The following MALRD1 variants were observed in gnomAD, a reference collection of about 807,000 sequenced individuals.
MALRD1 encodes the protein MAM and LDL-receptor class A domain-containing protein 1.
Under a neutral mutation model 242.1 loss-of-function variants are expected in MALRD1, and 247 were observed. The ratio of observed to expected loss-of-function variants is 1.02; its 90% confidence interval spans 0.92 to 1.13. MALRD1 has a LOEUF of 1.13. Among genes scored for constraint, MALRD1 ranks in the 50% most tolerant of loss-of-function variants. MALRD1 has a pLI of 0.00. For synonymous variants in MALRD1, 995 were observed against 866.6 expected (o/e 1.15, Z -2.60); for missense variants, 2,989 against 2,533.1 (o/e 1.18, Z -3.86).
chr10:19,375,008 A>C (rs1430930561), intron 26 of MALRD1, among the ~76,000 whole-genome samples: 1 of 152,206 alleles, frequency 6.6e-6, no homozygotes, highest in Non-Finnish European at 1.5e-5. Context: ...AAGAATGGTC[A>C]CAAAGTGAAA....
intron 24 of MALRD1, among the ~76,000 whole-genome samples, chr10:19,332,056 G>T (rs570204001): frequency 6.6e-6 from 1 of 152,194 alleles, no homozygotes; most frequent in African/African-American, 2.4e-5. Flanking sequence ...AGTAGAGGTG[G>T]GGTTTCACCA....
intron 36 of MALRD1, among the ~76,000 whole-genome samples, chr10:19,662,308 G>T (rs976176627): frequency 6.6e-6 from 1 of 152,106 alleles, no homozygotes; most frequent in African/African-American, 2.4e-5. Flanking sequence ...GGACCTTTAA[G>T]ATGAAAGTCT....
intron 26 of MALRD1, 77 bp from the exon 27 acceptor site, chr10:19,387,451 C>T: frequency 3.5e-6 from 5 of 1,444,990 alleles, no homozygotes; most frequent in Non-Finnish European, 3.7e-6. Flanking sequence ...AAAATGAATC[C>T]ACTCTTACTG....
At chr10:19,392,212 G>T (rs774236184) in intron 28 of MALRD1, among the ~76,000 whole-genome samples, 6 of 152,024 alleles carry the variant, frequency 3.9e-5, no homozygotes, top group Non-Finnish European at 7.4e-5. Flanking sequence ...GTTAAATAAT[G>T]GGAGCCTTAT....
intron 18 of MALRD1, among the ~76,000 whole-genome samples, chr10:19,230,872 C>CT (rs1334662708): frequency 1.3e-5 from 2 of 152,124 alleles, no homozygotes; most frequent in Non-Finnish European, 2.9e-5. Context: ...TTTATTTTAT[C>CT]TTTTTAATTT....
chr10:19,594,358 G>A (rs1252756994), intron 33 of MALRD1, among the ~76,000 whole-genome samples: 2 of 152,190 alleles, frequency 1.3e-5, no homozygotes, highest in African/African-American at 4.8e-5. Flanking sequence ...TGCGGATGTG[G>A]TGAAATGGAA....
At chr10:19,262,714 A>G (rs914278686) in intron 19 of MALRD1, among the ~76,000 whole-genome samples, 1 of 151,754 alleles carries the variant, frequency 6.6e-6, no homozygotes, top group African/African-American at 2.4e-5. Context: ...ACTGTACAAT[A>G]TCTTGCTGCT....
chr10:19,306,155 TACAC>T (rs1166491154), intron 21 of MALRD1, among the ~76,000 whole-genome samples: 1 of 117,396 alleles, frequency 8.5e-6, no homozygotes, highest in Non-Finnish European at 1.7e-5. Flanking sequence ...ATACTATATA[TACAC>T]ACATACTATA....
At chr10:19,206,327 T>C (rs1051371975) in intron 17 of MALRD1, among the ~76,000 whole-genome samples, 3 of 152,150 alleles carry the variant, frequency 2.0e-5, no homozygotes, top group Non-Finnish European at 2.9e-5. Context: ...AGAATTACCA[T>C]GCATCTCATG....
chr10:19,209,719 A>G (rs1396826983), intron 18 of MALRD1, 39 bp downstream of exon 18: 7 of 1,468,116 alleles, frequency 4.8e-6, no homozygotes, highest in Non-Finnish European at 6.4e-6. Context: ...TTTGAAATGC[A>G]TCTGAATGTC....
intron 36 of MALRD1, among the ~76,000 whole-genome samples, chr10:19,622,784 T>G (rs1487687798): frequency 6.6e-6 from 1 of 151,922 alleles, no homozygotes; most frequent in African/African-American, 2.4e-5. Flanking sequence ...TTAAACTGTA[T>G]TATACAGGCA....
At chr10:19,088,474 T>G (rs898998655) in intron 4 of MALRD1, among the ~76,000 whole-genome samples, 1 of 150,982 alleles carries the variant, frequency 6.6e-6, no homozygotes, top group African/African-American at 2.4e-5. Flanking sequence ...TTTCTCCTAA[T>G]TTCTTGAACC....
At chr10:19,363,177 C>T (rs1217164947) in intron 26 of MALRD1, among the ~76,000 whole-genome samples, 1 of 151,986 alleles carries the variant, frequency 6.6e-6, no homozygotes, top group Non-Finnish European at 1.5e-5. Context: ...GAATTAAAGT[C>T]ATATGCATAT....
chr10:19,386,298 C>T (rs542871585), intron 26 of MALRD1, among the ~76,000 whole-genome samples: 1 of 152,184 alleles, frequency 6.6e-6, no homozygotes, highest in African/African-American at 2.4e-5. Flanking sequence ...CCACATCAAC[C>T]CTCATCTACC....
intron 31 of MALRD1, among the ~76,000 whole-genome samples, chr10:19,525,499 A>G (rs933232873): frequency 1.3e-5 from 2 of 152,172 alleles, no homozygotes; most frequent in Admixed American, 6.5e-5. Context: ...AATTTATACT[A>G]TTGTATTTGA....
chr10:19,561,417 A>C (rs1250812449), intron 32 of MALRD1, among the ~76,000 whole-genome samples: 4 of 152,224 alleles, frequency 2.6e-5, no homozygotes, highest in Non-Finnish European at 4.4e-5. Context: ...TGAGAGAGGA[A>C]TCTTGGCATC....
chr10:19,146,376 T>C, intron 11 of MALRD1, 32 bp downstream of exon 11: 1 of 1,221,084 alleles, frequency 8.2e-7, no homozygotes, highest in Non-Finnish European at 1.0e-6. Context: ...AAAAAAATAG[T>C]TTTCTTTCTT....
chr10:19,501,703 C>T (rs559089135), intron 31 of MALRD1, among the ~76,000 whole-genome samples: 2 of 151,914 alleles, frequency 1.3e-5, no homozygotes, highest in Non-Finnish European at 2.9e-5. Flanking sequence ...GAATGGGTGA[C>T]AGGGTTAAAG....
intron 32 of MALRD1, among the ~76,000 whole-genome samples, chr10:19,559,413 G>A (rs1242683460): frequency 1.3e-5 from 2 of 151,964 alleles, no homozygotes; most frequent in African/African-American, 4.8e-5. Context: ...ATTCAATGCT[G>A]TAAAATTTTC....
Sources: allele counts gnomAD v4.1 joint callset (sites outside exome capture counted in the v4.1 genomes callset), GRCh38; gene constraint gnomAD v4.1.1; transcripts MANE v1.5; gene names NCBI Gene and HGNC (gene_info 2026-07-23, HGNC 2026-07-21).